Variants in KIF26B observed in about 807,000 individuals in gnomAD.
KIF26B encodes kinesin family member 26B, also known as kinesin-like protein KIF26B.
In KIF26B, 63 loss-of-function variants were observed where a neutral mutation model predicts 151.2. That is an observed-to-expected ratio of 0.42 (90% CI 0.34 to 0.51). The LOEUF is 0.51. Among genes scored for constraint, KIF26B ranks in the 20% least tolerant of loss-of-function variants. The probability of loss-of-function intolerance (pLI) is 0.07; values close to 1 mark genes in which losing one functional copy is unlikely to be tolerated. For synonymous variants in KIF26B, 1,357 were observed against 1,262.1 expected (o/e 1.08, Z -1.59); for missense variants, 2,813 against 2,913.6 (o/e 0.97, Z 0.79).
chr1:245,268,351 A>G (rs760605549), intron 2 of KIF26B, among the ~76,000 whole-genome samples: 32 of 151,822 alleles, frequency 2.1e-4, no homozygotes, highest in Non-Finnish European at 4.3e-4. Flanking sequence ...ACACGCCTGT[A>G]GTCCCAGCTA....
intron 4 of KIF26B, among the ~76,000 whole-genome samples, chr1:245,532,941 G>C (rs1661407246): frequency 6.6e-6 from 1 of 152,172 alleles, no homozygotes; most frequent in African/African-American, 2.4e-5. Flanking sequence ...TTTTAAGTAG[G>C]TGTTATTTCA....
At chr1:245,272,977 C>T (rs1004681848) in intron 2 of KIF26B, among the ~76,000 whole-genome samples, 4 of 152,064 alleles carry the variant, frequency 2.6e-5, no homozygotes, top group African/African-American at 7.2e-5. Flanking sequence ...GTACTTGAAA[C>T]GAATGTGTAT....
At chr1:245,175,524 T>C (rs1183528704) in intron 2 of KIF26B, among the ~76,000 whole-genome samples, 2 of 152,182 alleles carry the variant, frequency 1.3e-5, no homozygotes, top group African/African-American at 4.8e-5. Flanking sequence ...AGGTTTCGGG[T>C]GGCTATTAGC....
At chr1:245,653,484 G>C (rs577052812) in intron 10 of KIF26B, among the ~76,000 whole-genome samples, 77 of 152,274 alleles carry the variant, frequency 5.1e-4, no homozygotes, top group African/African-American at 1.7e-3. Context: ...CACAAGCTCT[G>C]CTAAATGCCT....
chr1:245,317,639 T>C (rs758107499), intron 2 of KIF26B, among the ~76,000 whole-genome samples: 1 of 152,250 alleles, frequency 6.6e-6, no homozygotes, highest in Non-Finnish European at 1.5e-5. Flanking sequence ...AATTGGTTTC[T>C]GTAAGTGTCG....
intron 3 of KIF26B, among the ~76,000 whole-genome samples, chr1:245,390,858 G>A (rs1673667675): frequency 7.0e-6 from 1 of 143,170 alleles, no homozygotes; most frequent in Admixed American, 7.4e-5. Flanking sequence ...GGCTGAGGCA[G>A]GAGGATCACT....
At chr1:245,538,883 C>T (rs1234038282) in intron 4 of KIF26B, among the ~76,000 whole-genome samples, 1 of 152,068 alleles carries the variant, frequency 6.6e-6, no homozygotes, top group African/African-American at 2.4e-5. Flanking sequence ...GTGCCAATGA[C>T]TGACCTGGGA....
intron 5 of KIF26B, among the ~76,000 whole-genome samples, chr1:245,551,729 C>G (rs769021316): frequency 2.0e-5 from 3 of 152,170 alleles, no homozygotes; most frequent in Non-Finnish European, 2.9e-5. Flanking sequence ...TGGCTCTTGT[C>G]TGGAGGCTCC....
chr1:245,195,116 A>G (rs1669169673), intron 2 of KIF26B, among the ~76,000 whole-genome samples: 1 of 152,132 alleles, frequency 6.6e-6, no homozygotes, highest in African/African-American at 2.4e-5. Flanking sequence ...TCCTTTACAC[A>G]CATCCTTCAG....
intron 10 of KIF26B, among the ~76,000 whole-genome samples, chr1:245,666,856 T>C (rs2044222217): frequency 6.6e-6 from 1 of 152,140 alleles, no homozygotes; most frequent in African/African-American, 2.4e-5. Context: ...AAGGATAGCC[T>C]GGGGGTGGTA....
chr1:245,565,948 C>T (rs1253564645), intron 5 of KIF26B, among the ~76,000 whole-genome samples: 1 of 152,208 alleles, frequency 6.6e-6, no homozygotes, highest in Non-Finnish European at 1.5e-5. Context: ...AGGCATGTCA[C>T]ATGGCAAGAG....
At chr1:245,506,463 G>T (rs768177427) in intron 4 of KIF26B, among the ~76,000 whole-genome samples, 5 of 151,990 alleles carry the variant, frequency 3.3e-5, no homozygotes, top group Non-Finnish European at 7.4e-5. Flanking sequence ...TAAAGCCATC[G>T]CTCTCTTAAT....
chr1:245,634,568 A>C lies in KIF26B; in HGVS notation c.2099-11553A>C, dbSNP rs532167975. On this transcript the variant is annotated intron_variant, in intron 9 of 14. Coordinates refer to ENST00000407071, the MANE Select transcript of KIF26B (RefSeq NM_018012.4). Reference sequence around the variant, plus strand: ...GAATTTTGGTAAATGCTTTTTCTGCATCTACTGAAACAATCATATAGTTTT... The same window carrying C: ...GAATTTTGGTAAATGCTTTTTCTGCCTCTACTGAAACAATCATATAGTTTT... 2.6e-4 allele frequency among the ~76,000 whole-genome samples: 40 copies of C among 152,330 alleles called. No individual in the cohort carries two copies. In the South Asian group the frequency reaches 8.1e-3, roughly 31 times the overall value.
intron 4 of KIF26B, among the ~76,000 whole-genome samples, chr1:245,504,858 G>A (rs982927271): frequency 1.3e-5 from 2 of 152,166 alleles, no homozygotes; most frequent in Non-Finnish European, 1.5e-5. Flanking sequence ...AAATTTTAAC[G>A]AATTTTAAAT....
At chr1:245,532,248 C>CTTTTCTTTTTTT (rs374051918) in intron 4 of KIF26B, among the ~76,000 whole-genome samples, 1 of 121,484 alleles carries the variant, frequency 8.2e-6, no homozygotes, top group Non-Finnish European at 1.6e-5. Context: ...CTTTTCTTTT[C>CTTTTCTTTTTTT]TTTTTTTTTT....
chr1:245,325,566 G>A (rs530262570), intron 2 of KIF26B, among the ~76,000 whole-genome samples: 1 of 151,950 alleles, frequency 6.6e-6, no homozygotes, highest in Non-Finnish European at 1.5e-5. Context: ...TACAAAATTA[G>A]CGGGCGTGGT....
Position 245,667,837 on chromosome 1 carries a change from T to C in KIF26B, c.2259-16396T>C, listed in dbSNP as rs138192100. On this transcript the variant is annotated intron_variant, in intron 10 of 14. Coordinates refer to ENST00000407071, the MANE Select transcript of KIF26B (RefSeq NM_018012.4). This position sits in a 1 kb window ranked among gnomAD's most constrained non-coding sequence, Gnocchi z 4.3. ...AAAGGGACCAAAGAGGTGGCATGAGTAGCATGAGTCAGATGTGATTAATTC... is the reference window on the plus strand; with the variant it reads ...AAAGGGACCAAAGAGGTGGCATGAGCAGCATGAGTCAGATGTGATTAATTC... Among the ~76,000 whole-genome samples, 1 of 152,282 alleles carries C rather than the reference T, an allele frequency of 6.6e-6. No individual in the cohort carries two copies. Among genetic ancestry groups the C allele is most frequent in the African/African-American group, 2.4e-5 (1 of 41,566 alleles).
At chr1:245,268,812 G>A (rs1385751825) in intron 2 of KIF26B, among the ~76,000 whole-genome samples, 1 of 152,100 alleles carries the variant, frequency 6.6e-6, no homozygotes, top group East Asian at 1.9e-4. Flanking sequence ...CCAACATTAA[G>A]GTGACCAAAC....
At chr1:245,639,548 T>C (rs1397535587) in intron 9 of KIF26B, among the ~76,000 whole-genome samples, 1 of 151,886 alleles carries the variant, frequency 6.6e-6, no homozygotes, top group Non-Finnish European at 1.5e-5. Context: ...TTCATTGAGG[T>C]GCAACATTAG....
Sources: allele counts gnomAD v4.1 joint callset (sites outside exome capture counted in the v4.1 genomes callset), GRCh38; gene constraint gnomAD v4.1.1; non-coding constraint Gnocchi (gnomAD v3.1); transcripts MANE v1.5; gene names NCBI Gene and HGNC (gene_info 2026-07-23, HGNC 2026-07-21).